Variants in TRDN observed in about 807,000 individuals in gnomAD.
The protein encoded by TRDN is triadin.
In TRDN, 161 loss-of-function variants were observed where a neutral mutation model predicts 149.7. That is an observed-to-expected ratio of 1.08 (90% CI 0.95 to 1.23). The LOEUF (loss-of-function observed/expected upper bound fraction) is 1.23. TRDN is among the 50% of genes most tolerant of loss of function. The probability of loss-of-function intolerance (pLI) is 0.00; values close to 1 mark genes in which losing one functional copy is unlikely to be tolerated. For synonymous variants in TRDN, 294 were observed against 250.5 expected, an observed-to-expected ratio of 1.17 and a Z score of -1.64; for missense variants, 896 against 823.5, an observed-to-expected ratio of 1.09 and a Z score of -1.08.
intron 1 of TRDN, among the ~76,000 whole-genome samples, chr6:123,600,226 T>A (rs1175867491): frequency 6.6e-6 from 1 of 152,032 alleles, no homozygotes; most frequent in South Asian, 2.1e-4. Flanking sequence ...TCCAGGAGCA[T>A]GTTTTGTATC....
At chr6:123,463,569 G>A (rs747090381) in intron 10 of TRDN, among the ~76,000 whole-genome samples, 7 of 151,598 alleles carry the variant, frequency 4.6e-5, no homozygotes, top group South Asian at 2.1e-4. Flanking sequence ...ATCTGAATTC[G>A]TTGCTTTATG....
At chr6:123,587,100 A>G (rs9388263) in intron 1 of TRDN, among the ~76,000 whole-genome samples, 75,049 of 151,434 alleles carry the variant, frequency 0.5, 18,748 homozygotes, top group East Asian at 0.58. Flanking sequence ...GGTGGAAAAG[A>G]GGTAGAGACA....
intron 2 of TRDN, among the ~76,000 whole-genome samples, chr6:123,569,005 C>T (rs1782425312): frequency 6.6e-6 from 1 of 152,216 alleles, no homozygotes; most frequent in African/African-American, 2.4e-5. Flanking sequence ...TTATACTCTG[C>T]ATCCCCTTTA....
At chr6:123,461,636 T>C (rs959901375) in intron 10 of TRDN, among the ~76,000 whole-genome samples, 7 of 152,210 alleles carry the variant, frequency 4.6e-5, no homozygotes, top group African/African-American at 1.7e-4. Flanking sequence ...AAGGATTTTA[T>C]GAAACAACTT....
chr6:123,454,632 T>C (rs1775991240), intron 10 of TRDN, among the ~76,000 whole-genome samples: 1 of 152,190 alleles, frequency 6.6e-6, no homozygotes, highest in South Asian at 2.1e-4. Flanking sequence ...AGTGCCCTGT[T>C]AGGAACTAGG....
At chr6:123,302,436 A>G (rs1778461988) in intron 24 of TRDN, among the ~76,000 whole-genome samples, 2 of 152,226 alleles carry the variant, frequency 1.3e-5, no homozygotes, top group Middle Eastern at 3.4e-3. Context: ...GAATAAAGGG[A>G]CAGTTGTCTT....
At chr6:123,393,591 A>C (rs1772597435) in intron 13 of TRDN, 33 bp downstream of exon 13, 1 of 1,571,446 alleles carries the variant, frequency 6.4e-7, no homozygotes, top group African/African-American at 1.4e-5. Flanking sequence ...GTTTAAAAAA[A>C]GGCAATGCTT....
chr6:123,616,277 G>A (rs756221044), intron 1 of TRDN, among the ~76,000 whole-genome samples: 15 of 151,942 alleles, frequency 9.9e-5, no homozygotes, highest in Non-Finnish European at 2.2e-4. Flanking sequence ...GATGCAGTGA[G>A]CTATGATCAT....
At chr6:123,260,515 G>C in intron 34 of TRDN, 97 bp downstream of exon 34, 1 of 1,288,740 alleles carries the variant, frequency 7.8e-7, no homozygotes, top group Non-Finnish European at 1.0e-6. Flanking sequence ...AATTTGAGCA[G>C]CTAAGGGATT....
intron 8 of TRDN, chr6:123,502,323 T>A: frequency 1.2e-6 from 1 of 818,936 alleles, no homozygotes; most frequent in Non-Finnish European, 1.5e-6. Context: ...ATGGAAGTAA[T>A]AATTAACTTT....
At chr6:123,234,572 T>C (rs1016146655) in intron 38 of TRDN, among the ~76,000 whole-genome samples, 3 of 152,166 alleles carry the variant, frequency 2.0e-5, no homozygotes, top group Admixed American at 6.6e-5. Context: ...ACGTAAGATA[T>C]CTTGTTTTTT....
chr6:123,381,448 C>T, intron 15 of TRDN, 58 bp from the exon 16 acceptor site: 1 of 1,466,114 alleles, frequency 6.8e-7, no homozygotes, highest in South Asian at 1.2e-5. Context: ...AAACGTACTA[C>T]CCTACATATT....
At chr6:123,595,899 G>A (rs921702298) in intron 1 of TRDN, among the ~76,000 whole-genome samples, 2 of 151,928 alleles carry the variant, frequency 1.3e-5, no homozygotes, top group Admixed American at 1.3e-4. Flanking sequence ...TATTCCCTGA[G>A]ACACAATCAA....
Position 123,218,500 on chromosome 6 carries a change from G to T in TRDN, c.*101C>A. On this transcript the variant is annotated 3_prime_UTR_variant, in exon 41 of 41. Coordinates refer to ENST00000334268, the MANE Select transcript of TRDN (RefSeq NM_006073.4). ...GGCCAAAGAGCAAAATGTTTTCACAGAAATTCTCTGGGTTGCATATTCTTA... is the reference window on the plus strand; with the variant it reads ...GGCCAAAGAGCAAAATGTTTTCACATAAATTCTCTGGGTTGCATATTCTTA... 1 of 1,398,306 alleles carries T rather than the reference G, an allele frequency of 7.2e-7. No homozygotes were observed. The highest frequency in any genetic ancestry group is 9.6e-7 in the Non-Finnish European group (1 of 1,042,660). 86.6% of individuals were successfully genotyped at this position (1,398,306 alleles called of 1,614,324 possible).
rs1582882332 is a variant in TRDN, at chr6:123,331,890, A to C, written c.1460T>G (p.Leu487Arg). The C allele has an allele frequency of 6.5e-7, 1 of 1,545,128 alleles. No individual in the cohort carries two copies. The highest frequency in any genetic ancestry group is 1.7e-4 in the Middle Eastern group (1 of 5,934). ...KGKEEKVPASLKEKEPETKKD... is the reference protein window; with the variant it reads ...KGKEEKVPASRKEKEPETKKD... ...TTGTATAATATTACCTTTTTCCTTT[A>C]GGGAAGCTGGAACTTTCTCTTCTTT... Residue 487 changes from leucine (L) to arginine (R), a missense_variant, in exon 23 of 41, where the codon CTA becomes CGA. Physicochemically the swap from Leu to Arg is moderately radical, Grantham distance 102. Coordinates refer to ENST00000334268, the MANE Select transcript of TRDN (RefSeq NM_006073.4).
At position 123,231,838 on chromosome 6, in the gene TRDN, C is replaced by G. The variant is rs950045537; in HGVS notation, c.1976-7707G>C. Among the ~76,000 whole-genome samples, 21 of 151,830 alleles carry G rather than the reference C, an allele frequency of 1.4e-4. 1 individual carries two copies. The highest frequency in any genetic ancestry group is 1.2e-3 in the Admixed American group (18 of 15,188). Reference sequence around the variant, plus strand: ...TCCGGGACAAGTAATACTGATTGGTCAAAGTAGAATTCAAAGTTTTATGTC... The same window carrying G: ...TCCGGGACAAGTAATACTGATTGGTGAAAGTAGAATTCAAAGTTTTATGTC... On this transcript the variant is annotated intron_variant, in intron 38 of 40. Transcript: ENST00000334268.
chr6:123,287,797 CA>C (rs1777854099), intron 24 of TRDN, among the ~76,000 whole-genome samples: 1 of 151,820 alleles, frequency 6.6e-6, no homozygotes, highest in Non-Finnish European at 1.5e-5. Flanking sequence ...CAAACAAAAT[CA>C]AATAATAGAC....
rs763939252 is a variant in TRDN, at chr6:123,260,632, G to A, written c.1811C>T (p.Thr604Ile). Residue 604 changes from threonine (T) to isoleucine (I), a missense_variant, in exon 34 of 41, where the codon ACA becomes ATA. Transcript: ENST00000334268. ...TDKPKPTPKG[T>I]SEVTESGKKK... is the part of the protein sequence containing the mutation. ...TTTACCTGATTCTGTGACTTCTGAT[G>A]TTCCTTCTTTAGAAAAAAAAAAAAA... is the stretch of plus-strand genomic sequence containing the variant. 3.2e-5 allele frequency: 36 copies of A among 1,139,846 alleles called. No homozygotes were observed. The African/African-American group carries it at 6.1e-4, about 19-fold the overall frequency. 70.6% of individuals were successfully genotyped at this position (1,139,846 alleles called of 1,614,324 possible).
chr6:123,628,230 T>A (rs1785778226), intron 1 of TRDN, among the ~76,000 whole-genome samples: 1 of 152,140 alleles, frequency 6.6e-6, no homozygotes, highest in Admixed American at 6.6e-5. Context: ...AGTAAAGATA[T>A]GCAACTCTTC....
Sources: allele counts gnomAD v4.1 joint callset (sites outside exome capture counted in the v4.1 genomes callset), GRCh38; gene constraint gnomAD v4.1.1; transcripts MANE v1.5; gene names NCBI Gene and HGNC (gene_info 2026-07-23, HGNC 2026-07-21).